Variants in CDYL2 observed in about 807,000 individuals in gnomAD.
CDYL2 encodes chromodomain Y-like protein 2.
A neutral mutation model predicts 49.4 loss-of-function variants in CDYL2; 23 were observed. That is an observed-to-expected ratio of 0.47 (90% CI 0.34 to 0.66). The LOEUF (loss-of-function observed/expected upper bound fraction) is 0.66. CDYL2 is among the 30% of genes least tolerant of loss of function. The probability of loss-of-function intolerance (pLI) is 0.01; values close to 1 mark genes in which losing one functional copy is unlikely to be tolerated. For missense variants in CDYL2, 678 were observed against 656.4 expected (o/e 1.03, Z -0.36); for synonymous variants, 360 against 268.8 (o/e 1.34, Z -3.32).
chr16:80,639,982 T>C (rs773640865), intron 2 of CDYL2, among the ~76,000 whole-genome samples: 2 of 152,142 alleles, frequency 1.3e-5, no homozygotes, highest in Non-Finnish European at 2.9e-5. Context: ...CCTGCAAGTC[T>C]TGCCACAATG....
intron 1 of CDYL2, among the ~76,000 whole-genome samples, chr16:80,685,795 A>G (rs979291944): frequency 2.0e-5 from 3 of 152,232 alleles, no homozygotes; most frequent in African/African-American, 7.2e-5. Flanking sequence ...TGGTAAGGGC[A>G]GAACTGGGGT....
intron 5 of CDYL2, among the ~76,000 whole-genome samples, chr16:80,609,596 G>A (rs904096559): frequency 3.3e-5 from 5 of 152,158 alleles, no homozygotes; most frequent in Non-Finnish European, 5.9e-5. Flanking sequence ...GCAGAAGTTC[G>A]CTGGGAGAAG....
intron 2 of CDYL2, among the ~76,000 whole-genome samples, chr16:80,663,460 A>G (rs902209467): frequency 1.3e-5 from 2 of 152,204 alleles, no homozygotes; most frequent in African/African-American, 4.8e-5. Flanking sequence ...GTTAACTGTC[A>G]TCTGGCATGT....
At chr16:80,791,036 G>A (rs1907592818) in intron 1 of CDYL2, among the ~76,000 whole-genome samples, 1 of 152,188 alleles carries the variant, frequency 6.6e-6, no homozygotes, top group African/African-American at 2.4e-5. Flanking sequence ...GCCTGTTAGA[G>A]ATCTCAGTGA....
intron 1 of CDYL2, among the ~76,000 whole-genome samples, chr16:80,720,336 T>G (rs994670534): frequency 6.6e-6 from 1 of 152,198 alleles, no homozygotes; most frequent in African/African-American, 2.4e-5. Flanking sequence ...AACTAGGCAC[T>G]GGGTTTTGCC....
intron 2 of CDYL2, among the ~76,000 whole-genome samples, chr16:80,649,837 A>G (rs547261816): frequency 2.6e-5 from 4 of 152,326 alleles, no homozygotes; most frequent in African/African-American, 9.6e-5. Flanking sequence ...CCCATTTTAG[A>G]CAAAGGTGTC....
intron 2 of CDYL2, among the ~76,000 whole-genome samples, chr16:80,681,675 C>T (rs1010953633): frequency 6.6e-6 from 1 of 152,156 alleles, no homozygotes; most frequent in South Asian, 2.1e-4. Context: ...AATTATCACA[C>T]GAGTGACCAC....
chr16:80,630,110 C>G (rs1190870746), intron 3 of CDYL2, among the ~76,000 whole-genome samples: 1 of 152,206 alleles, frequency 6.6e-6, no homozygotes, highest in African/African-American at 2.4e-5. Context: ...TCAGTAGGAC[C>G]TTCATTACGG....
At chr16:80,786,596 C>G (rs967424334) in intron 1 of CDYL2, among the ~76,000 whole-genome samples, 1 of 152,170 alleles carries the variant, frequency 6.6e-6, no homozygotes, top group Non-Finnish European at 1.5e-5. Flanking sequence ...ACATTTGACC[C>G]AGCAATCCCA....
At chr16:80,637,019 C>T (rs1383414025) in intron 2 of CDYL2, among the ~76,000 whole-genome samples, 1 of 151,978 alleles carries the variant, frequency 6.6e-6, no homozygotes, top group East Asian at 1.9e-4. Flanking sequence ...CACATGGATA[C>T]AGGGAGAGGA....
At chr16:80,621,323 T>C (rs965549816) in intron 3 of CDYL2, among the ~76,000 whole-genome samples, 3 of 152,252 alleles carry the variant, frequency 2.0e-5, no homozygotes, top group African/African-American at 7.2e-5. Flanking sequence ...AAGTGAGGGA[T>C]GTAAGCCATC....
chr16:80,725,197 TACACAC>T (rs1157135471), intron 1 of CDYL2, among the ~76,000 whole-genome samples: 1 of 149,082 alleles, frequency 6.7e-6, no homozygotes, highest in Non-Finnish European at 1.5e-5. Context: ...CACATACACA[TACACAC>T]ACACATACAC....
rs146433070 is a variant in CDYL2 at position 80,642,682 on chromosome 16, A to C, written c.617-9446T>G. Among the ~76,000 whole-genome samples the C allele has an allele frequency of 4.3e-3, 651 of 152,280 alleles. 4 individuals carry two copies. Among genetic ancestry groups the C allele is most frequent in the African/African-American group, 0.015 (617 of 41,544 alleles). ...TGGAGGGAGGTGAAAGGCACTTCTT[A>C]CATAGCAGTGGCAAGAGGAAATAAG... On this transcript the variant is annotated intron_variant, in intron 2 of 6. Transcript: ENST00000570137.
At chr16:80,656,980 C>G (rs1338203961) in intron 2 of CDYL2, among the ~76,000 whole-genome samples, 1 of 152,166 alleles carries the variant, frequency 6.6e-6, no homozygotes, top group East Asian at 1.9e-4. Context: ...ACGGCTAAGG[C>G]TTTATTAGGA....
chr16:80,693,923 C>G (rs202032336), intron 1 of CDYL2, among the ~76,000 whole-genome samples: 18 of 152,250 alleles, frequency 1.2e-4, no homozygotes, highest in African/African-American at 3.6e-4. Context: ...TATGATACAA[C>G]CTAAATACAA....
intron 2 of CDYL2, among the ~76,000 whole-genome samples, chr16:80,670,643 C>T (rs190984021): frequency 1.9e-3 from 285 of 152,246 alleles, no homozygotes; most frequent in Middle Eastern, 3.4e-3. Flanking sequence ...CAGAGAACCC[C>T]GGGGCTCCGT....
chr16:80,608,055 T>C (rs756721856), intron 6 of CDYL2, 37 bp downstream of exon 6: 19 of 1,530,792 alleles, frequency 1.2e-5, no homozygotes, highest in Non-Finnish European at 1.5e-5. Flanking sequence ...AATGGGTCTA[T>C]CAAAAGGACA....
intron 2 of CDYL2, among the ~76,000 whole-genome samples, chr16:80,677,662 T>G (rs185157144): frequency 6.6e-6 from 1 of 151,114 alleles, no homozygotes. Context: ...TGGCGTGAAC[T>G]CAGGAGGCGG....
chr16:80,788,802 T>A (rs901389773), intron 1 of CDYL2, among the ~76,000 whole-genome samples: 1 of 152,192 alleles, frequency 6.6e-6, no homozygotes, highest in East Asian at 1.9e-4. Context: ...TTTACCATAG[T>A]GTCTGGCACA....
Sources: allele counts gnomAD v4.1 joint callset (sites outside exome capture counted in the v4.1 genomes callset), GRCh38; gene constraint gnomAD v4.1.1; transcripts MANE v1.5; gene names NCBI Gene and HGNC (gene_info 2026-07-23, HGNC 2026-07-21).